MRPL33: variants seen among roughly 807,000 people sequenced by gnomAD.
MRPL33 encodes the protein large ribosomal subunit protein bL33m.
Under a neutral mutation model 10.1 loss-of-function variants are expected in MRPL33, and 5 were observed. That is an observed-to-expected ratio of 0.49 (90% CI 0.26 to 1.04). MRPL33 has a LOEUF of 1.04. Among genes scored for constraint, MRPL33 ranks in the 50% least tolerant of loss-of-function variants. MRPL33 has a pLI of 0.14. For missense variants in MRPL33, 79 were observed against 78.1 expected, an observed-to-expected ratio of 1.01 and a Z score of -0.04; for synonymous variants, 24 against 27.7, an observed-to-expected ratio of 0.87 and a Z score of 0.42.
intron 3 of MRPL33, among the ~76,000 whole-genome samples, chr2:27,777,735 T>C (rs1677203189): frequency 6.6e-6 from 1 of 152,204 alleles, no homozygotes; most frequent in African/African-American, 2.4e-5. Context: ...ATAGGTGCAG[T>C]GAATGAATCA....
intron 1 of MRPL33, chr2:27,772,022 A>G (rs908963537): frequency 7.7e-6 from 4 of 520,754 alleles, no homozygotes; most frequent in Non-Finnish European, 1.4e-5. Flanking sequence ...GTCTGGATTC[A>G]ATTGCCGTCC....
intron 3 of MRPL33, among the ~76,000 whole-genome samples, chr2:27,777,101 AACTCCTG>A (rs1385633688): frequency 3.9e-5 from 6 of 152,324 alleles, no homozygotes; most frequent in Non-Finnish European, 7.3e-5. Context: ...ACTGGTCTCG[AACTCCTG>A]AGCTCAAGCA....
At chr2:27,773,975 C>G (rs2148172681) in intron 2 of MRPL33, among the ~76,000 whole-genome samples, 1 of 152,278 alleles carries the variant, frequency 6.6e-6, no homozygotes, top group South Asian at 2.1e-4. Flanking sequence ...CATTAGCAAA[C>G]TAAAAGCTTT....
intron 1 of MRPL33, chr2:27,772,295 T>G: frequency 4.1e-6 from 1 of 241,260 alleles, no homozygotes. Flanking sequence ...CATGTGATGG[T>G]TGTTGTAATT....
At chr2:27,779,115 C>T (rs530519693) in intron 3 of MRPL33, among the ~76,000 whole-genome samples, 6 of 152,288 alleles carry the variant, frequency 3.9e-5, no homozygotes, top group African/African-American at 1.4e-4. Flanking sequence ...CAAGAGTGGA[C>T]ATTAATTGGG....
At chr2:27,775,657 T>A (rs946906202) in intron 3 of MRPL33, among the ~76,000 whole-genome samples, 1 of 152,200 alleles carries the variant, frequency 6.6e-6, no homozygotes, top group African/African-American at 2.4e-5. Flanking sequence ...CGGCCATTGC[T>A]TCTTAACAAG....
intron 3 of MRPL33, among the ~76,000 whole-genome samples, chr2:27,775,406 C>T (rs1677130396): frequency 7.3e-6 from 1 of 137,698 alleles, no homozygotes; most frequent in South Asian, 2.2e-4. Context: ...GGCTGGAGTG[C>T]AGTGGTACAA....
intron 2 of MRPL33, among the ~76,000 whole-genome samples, chr2:27,773,862 A>G (rs1677098276): frequency 6.6e-6 from 1 of 152,248 alleles, no homozygotes. Flanking sequence ...ATGAAAAAAT[A>G]ACAAACAGTA....
intron 3 of MRPL33, among the ~76,000 whole-genome samples, chr2:27,775,374 T>G (rs946864140): frequency 7.4e-6 from 1 of 134,704 alleles, no homozygotes; most frequent in African/African-American, 2.7e-5. Flanking sequence ...TTTTTTGAGA[T>G]GGAGTCTCAC....
chr2:27,779,670 A>G lies in MRPL33; in HGVS notation c.*188A>G. 1 of 1,039,746 alleles carries G rather than the reference A, an allele frequency of 9.6e-7. No individual in the cohort carries two copies. The highest frequency in any genetic ancestry group is 2.3e-4 in the Middle Eastern group (1 of 4,366). The allele number at this position is 1,039,746 out of a possible 1,614,324, so 64.4% of individuals were successfully genotyped here. A position where few individuals can be genotyped will look rare whatever the true frequency, so the allele number is the denominator to read the frequency against. On this transcript the variant is annotated 3_prime_UTR_variant, in exon 4 of 4. Transcript: ENST00000296102. The stretch of plus-strand genomic sequence containing the variant: ...AGTTCTTCATATTAGGACAGATATC[A>G]TTGCATCACATTTATTTATCTTTCT...
intron 3 of MRPL33, among the ~76,000 whole-genome samples, chr2:27,777,529 C>CT (rs1235538805): frequency 1.3e-5 from 2 of 152,106 alleles, no homozygotes; most frequent in African/African-American, 2.4e-5. Flanking sequence ...AAACTTGACA[C>CT]TTTCCATGAG....
chr2:27,776,201 TC>T (rs1313873724), intron 3 of MRPL33, among the ~76,000 whole-genome samples: 1 of 152,280 alleles, frequency 6.6e-6, no homozygotes, highest in Non-Finnish European at 1.5e-5. Context: ...TTAGAATTTT[TC>T]TGATAAGGAA....
chr2:27,777,904 G>A (rs1472315695), intron 3 of MRPL33, among the ~76,000 whole-genome samples: 1 of 152,038 alleles, frequency 6.6e-6, no homozygotes, highest in South Asian at 2.1e-4. Flanking sequence ...AAAACCATGG[G>A]GGAAATATTT....
At chr2:27,775,999 A>G (rs985416625) in intron 3 of MRPL33, among the ~76,000 whole-genome samples, 4 of 152,212 alleles carry the variant, frequency 2.6e-5, no homozygotes, top group African/African-American at 9.7e-5. Flanking sequence ...GGGGTGACTG[A>G]GTAACATTCT....
chr2:27,772,690 AAAGT>A lies in MRPL33; in HGVS notation c.41+5_41+8del. 2 of 1,601,250 alleles carry A rather than the reference AAAGT, an allele frequency of 1.2e-6. No homozygotes were observed. Among genetic ancestry groups the A allele is most frequent in the Non-Finnish European group, 8.5e-7 (1 of 1,171,282 alleles). ...ACAAAAAAGTTGCCAAGAGCAAGTCAAAGTAAGTAAAGATTTTTCCTTTTTTAAA... is the reference window on the plus strand; with the variant it reads ...ACAAAAAAGTTGCCAAGAGCAAGTCAAAGTAAAGATTTTTCCTTTTTTAAA... On this transcript the variant is annotated splice_donor_variant and coding_sequence_variant, in exon 2 of 4. Coordinates refer to ENST00000296102, the MANE Select transcript of MRPL33 (RefSeq NM_004891.4). LOFTEE classifies it high-confidence loss of function.
At chr2:27,777,232 TG>T (rs1446890896) in intron 3 of MRPL33, among the ~76,000 whole-genome samples, 1 of 152,126 alleles carries the variant, frequency 6.6e-6, no homozygotes, top group Non-Finnish European at 1.5e-5. Flanking sequence ...TCTTCTGTGT[TG>T]CCCAGGCTGG....
Position 27,777,964 on chromosome 2 carries a change from G to A in MRPL33, c.149-1469G>A, listed in dbSNP as rs75011676. ...TGTTTTGGTTCTTTACTACCATCTT[G>A]TAATGCATTAATGCATTGTAGTCCT... On this transcript the variant is annotated intron_variant, in intron 3 of 3. Transcript: ENST00000296102. Among the ~76,000 whole-genome samples the A allele has an allele frequency of 5.9e-3, 900 of 152,194 alleles. 14 individuals are homozygous for A. The highest frequency in any genetic ancestry group is 0.021 in the African/African-American group (859 of 41,522).
intron 3 of MRPL33, 43 bp downstream of exon 3, chr2:27,774,573 C>G: frequency 6.7e-7 from 1 of 1,492,132 alleles, no homozygotes; most frequent in Non-Finnish European, 9.4e-7. Context: ...CTGTTGCCCC[C>G]TTTGTAGGCT....
intron 3 of MRPL33, among the ~76,000 whole-genome samples, chr2:27,778,669 G>A (rs1201940731): frequency 1.3e-5 from 2 of 149,682 alleles, no homozygotes; most frequent in Non-Finnish European, 3.0e-5. Flanking sequence ...ATTCTCCTGC[G>A]CCAGCCTCCC....
Sources: gnomAD v4.1 joint callset for allele counts (sites outside exome capture counted in the v4.1 genomes callset) on GRCh38, gnomAD v4.1.1 for gene constraint, MANE v1.5 for transcripts, NCBI Gene and HGNC (gene_info 2026-07-23, HGNC 2026-07-21) for gene names.